Variants in TENM3 observed in about 807,000 individuals in gnomAD.
TENM3 encodes the protein teneurin transmembrane protein 3, also known as teneurin-3.
In TENM3, 63 loss-of-function variants were observed where a neutral mutation model predicts 255.1. That is an observed-to-expected ratio of 0.25 (90% CI 0.20 to 0.30). TENM3 has a LOEUF of 0.30. TENM3 is among the 10% of genes least tolerant of loss of function. The pLI is 1.00. For synonymous variants in TENM3, 1,306 were observed against 1,322.3 expected, an observed-to-expected ratio of 0.99 and a Z score of 0.27; for missense variants, 2,929 against 3,461.1, an observed-to-expected ratio of 0.85 and a Z score of 3.86.
the TENM3 span, among the ~76,000 whole-genome samples, chr4:181,563,622 C>A: frequency 6.6e-6 from 1 of 152,162 alleles, no homozygotes; most frequent in Non-Finnish European, 1.5e-5. Flanking sequence ...CTATCGGTCT[C>A]ATTTATCTTG....
intron 12 of TENM3, among the ~76,000 whole-genome samples, chr4:182,691,846 A>C (rs1757033829): frequency 6.6e-6 from 1 of 152,238 alleles, no homozygotes; most frequent in South Asian, 2.1e-4. Flanking sequence ...AAACCACATC[A>C]AATAAGCACC....
At chr4:182,562,988 C>CT (rs1246136731) in intron 3 of TENM3, among the ~76,000 whole-genome samples, 1 of 151,888 alleles carries the variant, frequency 6.6e-6, no homozygotes, top group African/African-American at 2.4e-5. Context: ...GCTTTAACAA[C>CT]TTTTTTTTTC....
chr4:181,725,073 C>T, the TENM3 span, among the ~76,000 whole-genome samples: 3 of 152,144 alleles, frequency 2.0e-5, no homozygotes, highest in Non-Finnish European at 2.9e-5. Context: ...AGAGAGTAAA[C>T]CTCTAGACTC....
the TENM3 span, among the ~76,000 whole-genome samples, chr4:181,910,801 C>T: frequency 6.6e-6 from 1 of 151,948 alleles, no homozygotes; most frequent in African/African-American, 2.4e-5. Context: ...TAATACTACT[C>T]CTTAGAAACA....
chr4:182,546,473 T>A (rs926916298), intron 3 of TENM3, among the ~76,000 whole-genome samples: 1 of 152,108 alleles, frequency 6.6e-6, no homozygotes, highest in African/African-American at 2.4e-5. Flanking sequence ...AGGGACTTGC[T>A]TTATCCAGAC....
chr4:182,663,774 A>G (rs1021314479), intron 6 of TENM3, among the ~76,000 whole-genome samples: 1 of 151,716 alleles, frequency 6.6e-6, no homozygotes, highest in Non-Finnish European at 1.5e-5. Flanking sequence ...ATCTATTTCT[A>G]AAAAATACGT....
the TENM3 span, among the ~76,000 whole-genome samples, chr4:181,591,639 T>C: frequency 6.6e-6 from 1 of 152,220 alleles, no homozygotes; most frequent in Non-Finnish European, 1.5e-5. Context: ...CATCACTGCC[T>C]GAGCTCCGCC....
the TENM3 span, among the ~76,000 whole-genome samples, chr4:182,127,146 A>G: frequency 8.3e-6 from 1 of 120,096 alleles, no homozygotes; most frequent in Non-Finnish European, 2.0e-5. Context: ...TGATTTTTAA[A>G]GTATTTATCC....
At chr4:182,186,766 T>TATATATATATATAC (rs1753181488) in intron 1 of TENM3, among the ~76,000 whole-genome samples, 1 of 9,860 alleles carries the variant, frequency 1.0e-4, no homozygotes, top group African/African-American at 5.2e-4. Flanking sequence ...ATGCATCATA[T>TATATATATATATAC]ATATATATAT....
At chr4:181,982,072 C>G in the TENM3 span, among the ~76,000 whole-genome samples, 1 of 152,044 alleles carries the variant, frequency 6.6e-6, no homozygotes, top group African/African-American at 2.4e-5. Flanking sequence ...GTATAGAGAC[C>G]AGGAGGGAGC....
At chr4:181,541,477 T>C in the TENM3 span, among the ~76,000 whole-genome samples, 1 of 152,144 alleles carries the variant, frequency 6.6e-6, no homozygotes, top group Non-Finnish European at 1.5e-5. Context: ...GAGTTTCTGT[T>C]TCCTACTGAC....
the TENM3 span, among the ~76,000 whole-genome samples, chr4:181,506,013 G>A: frequency 6.6e-6 from 1 of 152,122 alleles, no homozygotes; most frequent in Non-Finnish European, 1.5e-5. Context: ...TGAATAGATT[G>A]ATAAAAAACG....
the TENM3 span, among the ~76,000 whole-genome samples, chr4:181,827,967 A>T: frequency 6.6e-6 from 1 of 152,262 alleles, no homozygotes; most frequent in Non-Finnish European, 1.5e-5. Flanking sequence ...CTTCCTTCTC[A>T]GTAAGGGATA....
the TENM3 span, among the ~76,000 whole-genome samples, chr4:181,548,772 C>A: frequency 6.6e-6 from 1 of 152,128 alleles, no homozygotes; most frequent in Non-Finnish European, 1.5e-5. Flanking sequence ...AAAGTAGAGA[C>A]GCCATTGGAG....
chr4:181,735,364 A>G, the TENM3 span, among the ~76,000 whole-genome samples: 1 of 152,176 alleles, frequency 6.6e-6, no homozygotes, highest in Non-Finnish European at 1.5e-5. Flanking sequence ...TGCCCATACA[A>G]TTTGATGCTT....
At chr4:182,670,761 A>C (rs1755130882) in intron 6 of TENM3, among the ~76,000 whole-genome samples, 1 of 152,130 alleles carries the variant, frequency 6.6e-6, no homozygotes, top group African/African-American at 2.4e-5. Context: ...TGGGTCTGTG[A>C]TTGCAGGTCA....
intron 1 of TENM3, among the ~76,000 whole-genome samples, chr4:182,216,529 T>G (rs1263381361): frequency 1.3e-5 from 2 of 152,190 alleles, no homozygotes; most frequent in Non-Finnish European, 2.9e-5. Flanking sequence ...ACCTGTCAGT[T>G]TCGTTACTCC....
chr4:181,522,706 A>G, the TENM3 span: 2 of 677,410 alleles, frequency 3.0e-6, no homozygotes, highest in South Asian at 1.4e-5. Flanking sequence ...CATTATTTTG[A>G]AAAAGATGTT....
intron 3 of TENM3, among the ~76,000 whole-genome samples, chr4:182,444,312 T>C (rs1302925366): frequency 6.6e-6 from 1 of 152,188 alleles, no homozygotes. Flanking sequence ...TGGCAAAACA[T>C]AAGACAAAAT....
Sources: allele counts gnomAD v4.1 joint callset (sites outside exome capture counted in the v4.1 genomes callset), GRCh38; gene constraint gnomAD v4.1.1; transcripts MANE v1.5; gene names NCBI Gene and HGNC (gene_info 2026-07-23, HGNC 2026-07-21).